GPR176: variants seen among roughly 807,000 people sequenced by gnomAD.
GPR176 encodes G-protein coupled receptor 176.
In GPR176, 26 loss-of-function variants were observed where a neutral mutation model predicts 35.4. The ratio of observed to expected loss-of-function variants is 0.74; its 90% confidence interval spans 0.54 to 1.02. GPR176 has a LOEUF of 1.02. GPR176 is among the 50% of genes least tolerant of loss of function. The pLI is 0.00. For synonymous variants in GPR176, 278 were observed against 271.3 expected, an observed-to-expected ratio of 1.02 and a Z score of -0.24; for missense variants, 597 against 665.3, an observed-to-expected ratio of 0.90 and a Z score of 1.13.
At chr15:39,855,867 T>A (rs527974473) in intron 1 of GPR176, among the ~76,000 whole-genome samples, 2 of 152,320 alleles carry the variant, frequency 1.3e-5, no homozygotes, top group East Asian at 3.9e-4. Context: ...AATAACACAG[T>A]AACACTTACT....
At position 39,857,828 on chromosome 15, in the gene GPR176, G is replaced by A. The variant is rs148044738; in HGVS notation, c.173-50570C>T. Among the ~76,000 whole-genome samples, 621 of 151,632 alleles carry A rather than the reference G, an allele frequency of 4.1e-3. 6 individuals carry two copies. Among genetic ancestry groups the A allele is most frequent in the African/African-American group, 0.014 (590 of 41,390 alleles). On this transcript the variant is annotated intron_variant, in intron 1 of 2. Transcript: ENST00000561100. Reference sequence around the variant, plus strand: ...CTAAAAATACAAAAAAAAATTAGCCGGGCATGGTGGCGGGCACCTGTAGTC... The same window carrying A: ...CTAAAAATACAAAAAAAAATTAGCCAGGCATGGTGGCGGGCACCTGTAGTC...
At chr15:39,805,831 C>G (rs1485847026) in intron 2 of GPR176, among the ~76,000 whole-genome samples, 1 of 152,240 alleles carries the variant, frequency 6.6e-6, no homozygotes, top group African/African-American at 2.4e-5. Context: ...ATTATTTCTA[C>G]TGCTCTGGAA....
At chr15:39,884,363 A>AGCTTATT (rs374463160) in intron 1 of GPR176, among the ~76,000 whole-genome samples, 4,862 of 152,318 alleles carry the variant, frequency 0.032, 289 homozygotes, top group African/African-American at 0.11. Context: ...CTATGTAATA[A>AGCTTATT]GCTAAACTGT....
At chr15:39,878,095 CCT>C (rs1491349731) in intron 1 of GPR176, among the ~76,000 whole-genome samples, 8 of 40,928 alleles carry the variant, frequency 2.0e-4, no homozygotes, top group East Asian at 1.1e-3. Context: ...CCCATAGTTA[CCT>C]GTGTGTGTGT....
chr15:39,847,757 A>AAG (rs2030548781), intron 1 of GPR176, among the ~76,000 whole-genome samples: 1 of 151,262 alleles, frequency 6.6e-6, no homozygotes, highest in Non-Finnish European at 1.5e-5. Flanking sequence ...AAAAAAAAAA[A>AAG]AAAAAAAGAA....
At chr15:39,804,298 A>G (rs1351804663) in intron 2 of GPR176, among the ~76,000 whole-genome samples, 4 of 152,236 alleles carry the variant, frequency 2.6e-5, no homozygotes, top group Admixed American at 2.0e-4. Context: ...ATGAATAGCT[A>G]TGAAGGAAGT....
At chr15:39,833,250 C>T (rs1436596955) in intron 1 of GPR176, among the ~76,000 whole-genome samples, 1 of 152,008 alleles carries the variant, frequency 6.6e-6, no homozygotes, top group East Asian at 1.9e-4. Flanking sequence ...AGAAACAACT[C>T]AAATGTTCAT....
chr15:39,902,720 C>T (rs62002531), intron 1 of GPR176, among the ~76,000 whole-genome samples: 36,157 of 152,108 alleles, frequency 0.24, 4,736 homozygotes, highest in Non-Finnish European at 0.3. Flanking sequence ...TTCTTTCCTT[C>T]CCATTTAGCA....
chr15:39,859,271 T>A (rs1024585002), intron 1 of GPR176, among the ~76,000 whole-genome samples: 7 of 151,962 alleles, frequency 4.6e-5, no homozygotes, highest in African/African-American at 1.7e-4. Context: ...TGTATATATG[T>A]TATATGTATA....
chr15:39,811,021 G>T (rs900841089), intron 1 of GPR176, among the ~76,000 whole-genome samples: 1 of 152,112 alleles, frequency 6.6e-6, no homozygotes, highest in Admixed American at 6.5e-5. Context: ...ATTAGGAAAG[G>T]CTTTTAACTA....
At chr15:39,914,220 G>A (rs1261004141) in intron 1 of GPR176, among the ~76,000 whole-genome samples, 1 of 151,458 alleles carries the variant, frequency 6.6e-6, no homozygotes, top group Non-Finnish European at 1.5e-5. Context: ...AAAAGACAAT[G>A]TGAGGCAATT....
chr15:39,849,393 C>G (rs1228253729), intron 1 of GPR176, among the ~76,000 whole-genome samples: 1 of 152,086 alleles, frequency 6.6e-6, no homozygotes, highest in Non-Finnish European at 1.5e-5. Context: ...TCCACATACT[C>G]TCTTCCAAAA....
intron 1 of GPR176, among the ~76,000 whole-genome samples, chr15:39,918,032 T>G (rs1159437027): frequency 3.8e-5 from 4 of 105,212 alleles, no homozygotes; most frequent in African/African-American, 1.2e-4. Flanking sequence ...GCAACAAGAG[T>G]GAAACTCTGT....
At chr15:39,899,958 G>A (rs867490765) in intron 1 of GPR176, among the ~76,000 whole-genome samples, 12 of 151,964 alleles carry the variant, frequency 7.9e-5, no homozygotes, top group South Asian at 6.2e-4. Context: ...CTTCCTGACC[G>A]TTAAACTCTT....
intron 1 of GPR176, among the ~76,000 whole-genome samples, chr15:39,853,496 G>A (rs73399115): frequency 0.014 from 2,058 of 152,216 alleles, 39 homozygotes; most frequent in African/African-American, 0.047. Context: ...ACAACAATGC[G>A]CATATAGTTA....
chr15:39,903,867 C>T (rs1432949498), intron 1 of GPR176, among the ~76,000 whole-genome samples: 1 of 152,044 alleles, frequency 6.6e-6, no homozygotes, highest in East Asian at 1.9e-4. Flanking sequence ...GGACGAATCC[C>T]ATAGGGTGAA....
intron 1 of GPR176, among the ~76,000 whole-genome samples, chr15:39,911,755 T>C (rs2033583513): frequency 1.3e-5 from 2 of 152,242 alleles, no homozygotes; most frequent in South Asian, 4.1e-4. Flanking sequence ...AGGGAGGTTT[T>C]ATTTATACTT....
intron 1 of GPR176, among the ~76,000 whole-genome samples, chr15:39,817,540 T>C (rs1182467443): frequency 6.6e-6 from 1 of 152,164 alleles, no homozygotes; most frequent in Non-Finnish European, 1.5e-5. Context: ...CTTTAAGATA[T>C]AACCCCTGGC....
intron 1 of GPR176, among the ~76,000 whole-genome samples, chr15:39,823,262 C>A (rs1481076893): frequency 2.0e-5 from 3 of 152,134 alleles, no homozygotes; most frequent in Admixed American, 1.3e-4. Flanking sequence ...TATCCATATG[C>A]CCACTTGACT....
Sources: allele counts gnomAD v4.1 joint callset (sites outside exome capture counted in the v4.1 genomes callset), GRCh38; gene constraint gnomAD v4.1.1; transcripts MANE v1.5; gene names NCBI Gene and HGNC (gene_info 2026-07-23, HGNC 2026-07-21).